Variants in MICU1 observed in about 807,000 individuals in gnomAD.
MICU1 encodes calcium uptake protein 1, mitochondrial.
In MICU1, 45 loss-of-function variants were observed where a neutral mutation model predicts 56.8. That is an observed-to-expected ratio of 0.79 (90% CI 0.62 to 1.02). MICU1 has a LOEUF of 1.02. Among genes scored for constraint, MICU1 ranks in the 50% least tolerant of loss-of-function variants. The pLI, the probability that MICU1 is intolerant of heterozygous loss-of-function variation, is 0.00. For missense variants in MICU1, 504 were observed against 587.1 expected (o/e 0.86, Z 1.46); for synonymous variants, 186 against 195.1 (o/e 0.95, Z 0.39).
At chr10:72,480,814 T>C (rs1263890262) in intron 6 of MICU1, among the ~76,000 whole-genome samples, 1 of 152,244 alleles carries the variant, frequency 6.6e-6, no homozygotes, top group Admixed American at 6.5e-5. Flanking sequence ...TGAAGGCATG[T>C]GCCCAGATCA....
chr10:72,429,281 C>A (rs1043838293), intron 8 of MICU1, among the ~76,000 whole-genome samples: 9 of 151,712 alleles, frequency 5.9e-5, no homozygotes, highest in African/African-American at 2.2e-4. Context: ...TTAGCCGGGT[C>A]TGGTGGTGTG....
At chr10:72,391,770 T>G (rs1447218917) in intron 10 of MICU1, among the ~76,000 whole-genome samples, 5 of 152,236 alleles carry the variant, frequency 3.3e-5, no homozygotes, top group African/African-American at 1.2e-4. Flanking sequence ...GAAAAATGTA[T>G]GTAGTGAATA....
chr10:72,590,738 G>A (rs995499405), intron 1 of MICU1, among the ~76,000 whole-genome samples: 5 of 151,842 alleles, frequency 3.3e-5, no homozygotes, highest in Admixed American at 2.6e-4. Flanking sequence ...GCTTGAACCC[G>A]GGAGGCGGAG....
intron 8 of MICU1, among the ~76,000 whole-genome samples, chr10:72,449,656 G>GTT (rs112409079): frequency 1.3e-5 from 2 of 151,304 alleles, no homozygotes; most frequent in African/African-American, 4.8e-5. Context: ...GTTTTCTTTA[G>GTT]TTTTTTTTTA....
intron 10 of MICU1, among the ~76,000 whole-genome samples, chr10:72,400,935 A>G (rs557687881): frequency 5.3e-5 from 8 of 151,834 alleles, no homozygotes; most frequent in Admixed American, 2.0e-4. Flanking sequence ...TGTTTTTCAA[A>G]AGATTCTGCA....
At chr10:72,572,022 A>T (rs536727518) in intron 1 of MICU1, among the ~76,000 whole-genome samples, 1 of 152,180 alleles carries the variant, frequency 6.6e-6, no homozygotes, top group African/African-American at 2.4e-5. Context: ...TAAAAAAAAA[A>T]AAACAAACAC....
At chr10:72,462,219 CT>C (rs1187394084) in intron 8 of MICU1, among the ~76,000 whole-genome samples, 491 of 138,756 alleles carry the variant, frequency 3.5e-3, no homozygotes, top group East Asian at 6.4e-3. Flanking sequence ...CTTTTCTTTT[CT>C]TTTTTTTTTT....
chr10:72,598,231 CTACT>C (rs2132541315), intron 1 of MICU1, among the ~76,000 whole-genome samples: 1 of 151,890 alleles, frequency 6.6e-6, no homozygotes, highest in Non-Finnish European at 1.5e-5. Context: ...GGTAGAGGAG[CTACT>C]TAAACTTCAT....
intron 9 of MICU1, among the ~76,000 whole-genome samples, chr10:72,420,627 C>A (rs1312473938): frequency 6.6e-6 from 1 of 151,696 alleles, no homozygotes; most frequent in Non-Finnish European, 1.5e-5. Flanking sequence ...TGGGTTCTAG[C>A]CTTAGCACTG....
intron 5 of MICU1, among the ~76,000 whole-genome samples, chr10:72,530,538 A>T (rs1839450791): frequency 6.6e-6 from 1 of 152,076 alleles, no homozygotes; most frequent in South Asian, 2.1e-4. Flanking sequence ...TCTACGAAAC[A>T]TATTCTTAAA....
chr10:72,529,707 T>C (rs1300838992), intron 5 of MICU1, among the ~76,000 whole-genome samples: 2 of 152,018 alleles, frequency 1.3e-5, no homozygotes, highest in African/African-American at 2.4e-5. Context: ...AAATAAATCA[T>C]GCAAATAAAA....
intron 2 of MICU1, 59 bp from the exon 3 acceptor site, chr10:72,563,122 A>T: frequency 1.6e-6 from 2 of 1,278,764 alleles, no homozygotes; most frequent in Non-Finnish European, 2.0e-6. Flanking sequence ...CTAGACAAAT[A>T]AGCAAACAGA....
intron 6 of MICU1, among the ~76,000 whole-genome samples, chr10:72,495,320 C>G (rs1019039764): frequency 6.6e-6 from 1 of 151,774 alleles, no homozygotes; most frequent in African/African-American, 2.4e-5. Flanking sequence ...GCCAAAGTGA[C>G]GGCTTATGCC....
At chr10:72,535,590 T>A (rs1466046909) in intron 4 of MICU1, among the ~76,000 whole-genome samples, 1 of 152,054 alleles carries the variant, frequency 6.6e-6, no homozygotes, top group Admixed American at 6.5e-5. Context: ...GTTCTAAGCA[T>A]ATTGAACAAA....
chr10:72,557,879 A>G (rs1186555516), intron 3 of MICU1, among the ~76,000 whole-genome samples: 1 of 152,202 alleles, frequency 6.6e-6, no homozygotes, highest in African/African-American at 2.4e-5. Flanking sequence ...CCAGCAGCAG[A>G]CTACTTTCTT....
At chr10:72,375,725 A>T in intron 11 of MICU1, 58 bp downstream of exon 11, 1 of 1,501,358 alleles carries the variant, frequency 6.7e-7, no homozygotes, top group Admixed American at 2.0e-5. Context: ...ATTATACACA[A>T]GGGCCTCTAA....
intron 8 of MICU1, among the ~76,000 whole-genome samples, chr10:72,441,163 A>G (rs556689901): frequency 1.2e-4 from 18 of 152,288 alleles, no homozygotes; most frequent in South Asian, 6.2e-4. Context: ...ATGTCCATCA[A>G]TGATAGACTG....
intron 6 of MICU1, chr10:72,483,385 T>A: frequency 6.1e-6 from 1 of 163,776 alleles, no homozygotes. Context: ...CTTCTGTGCC[T>A]TCTGTCTGTG....
intron 8 of MICU1, among the ~76,000 whole-genome samples, chr10:72,444,886 C>A (rs1477566629): frequency 6.6e-6 from 1 of 152,202 alleles, no homozygotes; most frequent in African/African-American, 2.4e-5. Context: ...AATCATCTAA[C>A]AGGAGCACAA....
Sources: allele counts gnomAD v4.1 joint callset (sites outside exome capture counted in the v4.1 genomes callset), GRCh38; gene constraint gnomAD v4.1.1; transcripts MANE v1.5; gene names NCBI Gene and HGNC (gene_info 2026-07-23, HGNC 2026-07-21).